Variants in KAZN observed in about 807,000 individuals in gnomAD.
KAZN encodes the protein kazrin, periplakin interacting protein, also known as kazrin.
A neutral mutation model predicts 87.4 loss-of-function variants in KAZN; 40 were observed. The observed-to-expected ratio is 0.46, with a 90% CI of 0.36 to 0.60. KAZN has a LOEUF of 0.60. Among genes scored for constraint, KAZN ranks in the 20% least tolerant of loss-of-function variants. KAZN has a pLI of 0.00. For synonymous variants in KAZN, 466 were observed against 458.3 expected (o/e 1.02, Z -0.22); for missense variants, 898 against 1,073.9 (o/e 0.84, Z 2.29).
chr1:14,453,176 C>T (rs1200865167), intron 2 of KAZN, among the ~76,000 whole-genome samples: 2 of 152,026 alleles, frequency 1.3e-5, no homozygotes, highest in African/African-American at 2.4e-5. Flanking sequence ...AGGATTGTCT[C>T]GATCTCCTGA....
intron 1 of KAZN, among the ~76,000 whole-genome samples, chr1:14,710,898 G>T (rs980304470): frequency 6.6e-6 from 1 of 152,172 alleles, no homozygotes; most frequent in Non-Finnish European, 1.5e-5. Flanking sequence ...TAATTATTGA[G>T]GGGGGCTGGG....
chr1:14,013,542 A>G (rs1640420405), intron 1 of KAZN, among the ~76,000 whole-genome samples: 1 of 152,172 alleles, frequency 6.6e-6, no homozygotes, highest in Non-Finnish European at 1.5e-5. Context: ...GAGGATGGTC[A>G]TGATAGCCTC....
intron 8 of KAZN, among the ~76,000 whole-genome samples, chr1:15,089,732 C>CA (rs56260619): frequency 0.029 from 1,990 of 68,844 alleles, 223 homozygotes; most frequent in Middle Eastern, 0.041. Flanking sequence ...CTTTTATTGG[C>CA]AAAAAAAAAA....
chr1:14,596,200 C>T (rs2148588646), upstream of KAZN, among the ~76,000 whole-genome samples: 1 of 152,296 alleles, frequency 6.6e-6, no homozygotes, highest in Admixed American at 6.5e-5. Flanking sequence ...CCCTCCTTCC[C>T]CCACCCACAA....
At chr1:14,158,012 T>G (rs979398653) in intron 1 of KAZN, among the ~76,000 whole-genome samples, 6 of 152,148 alleles carry the variant, frequency 3.9e-5, no homozygotes, top group Admixed American at 3.3e-4. Context: ...GTCACTCCCT[T>G]GACACACGGG....
chr1:14,117,623 A>G (rs916738529), intron 1 of KAZN, among the ~76,000 whole-genome samples: 2 of 152,078 alleles, frequency 1.3e-5, no homozygotes, highest in Non-Finnish European at 2.9e-5. Context: ...GTGGGGAGGT[A>G]AAAGGAAAGA....
chr1:14,193,182 T>A (rs1646457172), intron 2 of KAZN, among the ~76,000 whole-genome samples: 1 of 152,212 alleles, frequency 6.6e-6, no homozygotes, highest in Non-Finnish European at 1.5e-5. Context: ...TGATTGTAAG[T>A]TTCCTGAGGC....
At chr1:14,664,944 C>T (rs569983820) in intron 1 of KAZN, among the ~76,000 whole-genome samples, 42 of 152,248 alleles carry the variant, frequency 2.8e-4, no homozygotes, top group South Asian at 6.2e-4. Flanking sequence ...CATGAGCCAC[C>T]GCACCCGGCT....
At chr1:14,246,256 T>C (rs1649492958) in intron 2 of KAZN, among the ~76,000 whole-genome samples, 1 of 152,082 alleles carries the variant, frequency 6.6e-6, no homozygotes, top group African/African-American at 2.4e-5. Context: ...GGTTGATGGG[T>C]GCAGCGGACC....
rs781640388 is a variant in KAZN at position 15,112,454 on chromosome 1, T to G, written c.2076T>G (p.Arg692=). The G allele has an allele frequency of 1.2e-6, 2 of 1,605,154 alleles. No homozygotes were observed. Among genetic ancestry groups the G allele is most frequent in the East Asian group, 2.2e-5 (1 of 44,546 alleles). ...ANSTGIREAE[R]FGTPPGRASS... is the part of the protein sequence containing the mutation. The stretch of plus-strand genomic sequence containing the variant: ...CCACAGGCATCCGGGAGGCTGAGCG[T>G]TTTGGAACGCCCCCTGGCAGGGCCT... The change falls in exon 14 of 15, where the codon CGT becomes CGG. Residue 692 remains arginine, a synonymous_variant. Transcript: ENST00000376030.
rs374147682 is a variant in KAZN at position 14,388,186 on chromosome 1, G to A, written c.249+207594G>A. Among the ~76,000 whole-genome samples, 735 of 152,204 alleles carry A rather than the reference G, an allele frequency of 4.8e-3. 8 individuals are homozygous for A. Among genetic ancestry groups the A allele is most frequent in the South Asian group, 0.03 (145 of 4,810 alleles). On this transcript the variant is annotated intron_variant, in intron 2 of 16. Coordinates refer to the KAZN transcript ENST00000636203. ...CCCTGCTTCGGCTGGCACACGGTGC[G>A]AGCACCCCCTGACCTGCGCCCACTG...
At chr1:14,704,246 T>A (rs1642087968) in intron 1 of KAZN, among the ~76,000 whole-genome samples, 1 of 152,224 alleles carries the variant, frequency 6.6e-6, no homozygotes, top group Non-Finnish European at 1.5e-5. Flanking sequence ...CAAGGGGATT[T>A]TGTTACCCAA....
chr1:14,730,018 C>T (rs2100354717), intron 1 of KAZN, among the ~76,000 whole-genome samples: 1 of 152,280 alleles, frequency 6.6e-6, no homozygotes, highest in East Asian at 1.9e-4. Flanking sequence ...TGCATGTGGC[C>T]TGCAAAGCCC....
At chr1:14,520,976 A>C (rs1671556735) in intron 2 of KAZN, among the ~76,000 whole-genome samples, 2 of 152,192 alleles carry the variant, frequency 1.3e-5, no homozygotes. Context: ...GAGAGGCCAG[A>C]GCAGGGAGAG....
chr1:14,457,095 A>G (rs1053223424), intron 2 of KAZN, among the ~76,000 whole-genome samples: 1 of 152,164 alleles, frequency 6.6e-6, no homozygotes, highest in African/African-American at 2.4e-5. Flanking sequence ...ACAAACAAAC[A>G]AAAAGAAGCA....
At chr1:14,100,797 C>T (rs1347046030) in intron 1 of KAZN, among the ~76,000 whole-genome samples, 1 of 152,158 alleles carries the variant, frequency 6.6e-6, no homozygotes, top group Admixed American at 6.5e-5. Flanking sequence ...TGTCCCCACC[C>T]AAATCTCATC....
At chr1:14,065,190 T>C (rs6701426) in intron 1 of KAZN, among the ~76,000 whole-genome samples, 36,004 of 152,144 alleles carry the variant, frequency 0.24, 4,668 homozygotes, top group Middle Eastern at 0.33. Context: ...GAGGGGAATC[T>C]GTTCCGGCTT....
chr1:15,003,419 G>A (rs755365820), intron 2 of KAZN, among the ~76,000 whole-genome samples: 3 of 152,188 alleles, frequency 2.0e-5, no homozygotes, highest in Non-Finnish European at 4.4e-5. Context: ...TGGTGATGGT[G>A]TCAGGGTGTC....
chr1:14,538,968 T>C (rs1465287465), intron 2 of KAZN, among the ~76,000 whole-genome samples: 2 of 152,142 alleles, frequency 1.3e-5, no homozygotes, highest in African/African-American at 2.4e-5. Flanking sequence ...GGCGAGTGGA[T>C]GGGGAGGAGG....
Sources: allele counts gnomAD v4.1 joint callset (sites outside exome capture counted in the v4.1 genomes callset), GRCh38; gene constraint gnomAD v4.1.1; transcripts MANE v1.5; gene names NCBI Gene and HGNC (gene_info 2026-07-23, HGNC 2026-07-21).